The following FNDC3B variants were observed in gnomAD, a reference collection of about 807,000 sequenced individuals.
The protein encoded by FNDC3B is fibronectin type III domain containing 3B.
Under a neutral mutation model 151.5 loss-of-function variants are expected in FNDC3B, and 12 were observed. That is an observed-to-expected ratio of 0.08 (90% CI 0.05 to 0.13). FNDC3B has a LOEUF of 0.13. Among genes scored for constraint, FNDC3B ranks in the 10% least tolerant of loss-of-function variants. The pLI is 1.00. For missense variants in FNDC3B, 1,214 were observed against 1,505.3 expected (o/e 0.81, Z 3.20); for synonymous variants, 528 against 549.0 (o/e 0.96, Z 0.54).
chr3:172,154,636 T>C (rs1486305646), intron 3 of FNDC3B, among the ~76,000 whole-genome samples: 1 of 152,038 alleles, frequency 6.6e-6, no homozygotes, highest in Admixed American at 6.5e-5. Flanking sequence ...TCATCTTTCT[T>C]TTAGTAGTGG....
At chr3:172,120,393 C>T (rs1720472775) in intron 2 of FNDC3B, among the ~76,000 whole-genome samples, 1 of 152,008 alleles carries the variant, frequency 6.6e-6, no homozygotes, top group African/African-American at 2.4e-5. Flanking sequence ...TGTCTGATTT[C>T]CTTGTTAACT....
chr3:172,138,416 A>G (rs1399297846), intron 3 of FNDC3B, among the ~76,000 whole-genome samples: 1 of 152,212 alleles, frequency 6.6e-6, no homozygotes, highest in East Asian at 1.9e-4. Context: ...GGCAGTTTAA[A>G]GAGGTTTAGT....
At chr3:172,183,388 G>A (rs934196819) in intron 3 of FNDC3B, among the ~76,000 whole-genome samples, 1 of 152,048 alleles carries the variant, frequency 6.6e-6, no homozygotes, top group Non-Finnish European at 1.5e-5. Flanking sequence ...CTTTTGCTGT[G>A]TGTCATTAAC....
intron 7 of FNDC3B, among the ~76,000 whole-genome samples, chr3:172,292,954 AAG>A: frequency 6.6e-6 from 1 of 152,306 alleles, no homozygotes; most frequent in Middle Eastern, 3.4e-3. Context: ...CAAGAGTACA[AAG>A]AAGAGTGGTT....
intron 3 of FNDC3B, among the ~76,000 whole-genome samples, chr3:172,205,305 A>T (rs950301354): frequency 1.3e-5 from 2 of 152,210 alleles, no homozygotes; most frequent in East Asian, 1.9e-4. Flanking sequence ...CAGTTGGGGT[A>T]GGAGAGGGCC....
chr3:172,245,327 G>C (rs1420234757), intron 4 of FNDC3B, among the ~76,000 whole-genome samples: 1 of 152,100 alleles, frequency 6.6e-6, no homozygotes, highest in Non-Finnish European at 1.5e-5. Context: ...CTATGTTGCT[G>C]GTTGACTTTT....
At chr3:172,265,008 A>C (rs1430420801) in intron 6 of FNDC3B, among the ~76,000 whole-genome samples, 1 of 152,200 alleles carries the variant, frequency 6.6e-6, no homozygotes, top group Non-Finnish European at 1.5e-5. Flanking sequence ...GATAAGGGAG[A>C]ATATATCCAA....
chr3:172,085,059 G>GGT (rs1310468925), intron 1 of FNDC3B, among the ~76,000 whole-genome samples: 9 of 152,078 alleles, frequency 5.9e-5, no homozygotes, highest in Admixed American at 4.6e-4. Flanking sequence ...GTAAATACGT[G>GGT]GTGCTACAAG....
rs1718408506 is a variant in FNDC3B, at chr3:172,083,864, G to T, written c.-28-28588G>T. On this transcript the variant is annotated intron_variant, in intron 1 of 25. Transcript: ENST00000415807. ...CTATTAATCTTTTTGTGAAATGAAA[G>T]TATAGTAGCCAGGTGGACCCAGGCA... is the stretch of plus-strand genomic sequence containing the variant. Among the ~76,000 whole-genome samples, 3 of 152,312 alleles carry T rather than the reference G, an allele frequency of 2.0e-5. No individual in the cohort carries two copies. In the South Asian group the frequency reaches 6.2e-4, roughly 32 times the overall value.
intron 3 of FNDC3B, among the ~76,000 whole-genome samples, chr3:172,143,257 A>G (rs1721719887): frequency 6.6e-6 from 1 of 152,212 alleles, no homozygotes; most frequent in South Asian, 2.1e-4. Flanking sequence ...AATTTAAGAT[A>G]ATGAATACAG....
At chr3:172,121,615 C>CT (rs1176833538) in intron 2 of FNDC3B, among the ~76,000 whole-genome samples, 1 of 152,130 alleles carries the variant, frequency 6.6e-6, no homozygotes, top group Admixed American at 6.5e-5. Context: ...TGTTTATATT[C>CT]TTTTTTACAG....
chr3:172,130,265 G>T (rs548685732), intron 2 of FNDC3B, among the ~76,000 whole-genome samples: 5 of 152,278 alleles, frequency 3.3e-5, no homozygotes, highest in African/African-American at 1.2e-4. Context: ...ATACCTCAGT[G>T]CCAAGATGAA....
rs146489938 is a variant in FNDC3B at position 172,197,045 on chromosome 3, G to A, written c.188-29826G>A. Among the ~76,000 whole-genome samples, 696 of 152,154 alleles carry A rather than the reference G, an allele frequency of 4.6e-3. 3 individuals carry two copies. Among genetic ancestry groups the A allele is most frequent in the African/African-American group, 0.016 (658 of 41,506 alleles). On this transcript the variant is annotated intron_variant, in intron 3 of 25. Transcript: ENST00000415807. ...AAAATACAAAAATTAGCCAGGTGTG[G>A]TGGCATGTGCCTGTGGTCCCAGCTA...
intron 10 of FNDC3B, among the ~76,000 whole-genome samples, chr3:172,308,892 C>A (rs1158910141): frequency 6.6e-6 from 1 of 152,068 alleles, no homozygotes; most frequent in South Asian, 2.1e-4. Context: ...GAATTAAAAT[C>A]CATTTTGTTT....
At chr3:172,185,644 C>T (rs2108660165) in intron 3 of FNDC3B, among the ~76,000 whole-genome samples, 1 of 152,260 alleles carries the variant, frequency 6.6e-6, no homozygotes, top group Admixed American at 6.5e-5. Flanking sequence ...TTGCTGTTTG[C>T]AATATGTCAT....
intron 3 of FNDC3B, among the ~76,000 whole-genome samples, chr3:172,199,962 T>G (rs534147563): frequency 6.6e-6 from 1 of 152,328 alleles, no homozygotes; most frequent in African/African-American, 2.4e-5. Flanking sequence ...ATTTGTATGG[T>G]TACCATATAC....
chr3:172,362,489 T>C (rs536288591), intron 22 of FNDC3B, 144 bp from the exon 23 acceptor site: 142 of 678,282 alleles, frequency 2.1e-4, no homozygotes, highest in Non-Finnish European at 3.3e-4. Context: ...TCTATTTGTC[T>C]TGAGTTACTT....
intron 1 of FNDC3B, among the ~76,000 whole-genome samples, chr3:172,101,226 A>G (rs1043025291): frequency 6.6e-6 from 1 of 152,232 alleles, no homozygotes; most frequent in South Asian, 2.1e-4. Context: ...TTCAAAGTCT[A>G]GAAAAGAGGC....
In FNDC3B at chr3:172,040,370, G is replaced by C. The variant is rs989117974; in HGVS notation, c.-29+599G>C. Reference sequence around the variant, plus strand: ...CGAACCCGGGGATGCTCGCGGGGAGGGTCCCGAGCCCGCGCCGGCCTGGCC... The same window carrying C: ...CGAACCCGGGGATGCTCGCGGGGAGCGTCCCGAGCCCGCGCCGGCCTGGCC... On this transcript the variant is annotated intron_variant, in intron 1 of 25. Coordinates refer to ENST00000415807, the MANE Select transcript of FNDC3B (RefSeq NM_022763.4). The surrounding 1 kb of genome is among the most constrained non-coding windows in gnomAD (Gnocchi z 6.6). Among the ~76,000 whole-genome samples, 2 of 151,958 alleles carry C rather than the reference G, an allele frequency of 1.3e-5. No homozygotes were observed. The highest frequency in any genetic ancestry group is 2.9e-5 in the Non-Finnish European group (2 of 67,940).
Sources: gnomAD v4.1 joint callset for allele counts (sites outside exome capture counted in the v4.1 genomes callset) on GRCh38, gnomAD v4.1.1 for gene constraint, Gnocchi (gnomAD v3.1) non-coding constraint, MANE v1.5 for transcripts, NCBI Gene and HGNC (gene_info 2026-07-23, HGNC 2026-07-21) for gene names.